USP53: variants seen among roughly 807,000 people sequenced by gnomAD.
USP53 encodes the protein ubiquitin specific peptidase 53.
In USP53, 71 loss-of-function variants were observed where a neutral mutation model predicts 94.9. The ratio of observed to expected loss-of-function variants is 0.75; its 90% CI spans 0.62 to 0.91. The LOEUF (loss-of-function observed/expected upper bound fraction) is 0.91, where lower values mean the gene tolerates loss of function less well. Among genes scored for constraint, USP53 ranks in the 40% least tolerant of loss-of-function variants. The pLI is 0.00. For missense variants in USP53, 1,173 were observed against 1,281.0 expected (o/e 0.92, Z 1.29); for synonymous variants, 375 against 422.7 (o/e 0.89, Z 1.39).
chr4:119,228,637 C>T (rs1473203762), intron 3 of USP53, among the ~76,000 whole-genome samples: 2 of 152,076 alleles, frequency 1.3e-5, no homozygotes, highest in African/African-American at 4.8e-5. Context: ...AGGAGAGCTT[C>T]TCAGGGTGAT....
intron 17 of USP53, 22 bp from the exon 18 acceptor site, chr4:119,291,143 T>TGGCC: frequency 1.3e-6 from 1 of 747,558 alleles, no homozygotes. Flanking sequence ...TCATCTCTTC[T>TGGCC]CCCCACCCCA....
chr4:119,289,488 CA>C (rs1754494165), intron 17 of USP53, among the ~76,000 whole-genome samples: 1 of 152,160 alleles, frequency 6.6e-6, no homozygotes, highest in South Asian at 2.1e-4. Context: ...GGTCCAAGGC[CA>C]CACTTCGAGA....
At chr4:119,260,758 C>A in intron 11 of USP53, 105 bp downstream of exon 11, 1 of 1,321,568 alleles carries the variant, frequency 7.6e-7, no homozygotes, top group Non-Finnish European at 1.0e-6. Flanking sequence ...ATCAGGCTAA[C>A]TGGAATGCCT....
intron 2 of USP53, among the ~76,000 whole-genome samples, chr4:119,216,364 G>A (rs1023939820): frequency 8.3e-5 from 12 of 144,192 alleles, no homozygotes; most frequent in Non-Finnish European, 1.7e-4. Context: ...CTGGGCGACC[G>A]AGTGAGACTC....
At chr4:119,243,042 A>G (rs1747755587) in intron 5 of USP53, among the ~76,000 whole-genome samples, 1 of 152,230 alleles carries the variant, frequency 6.6e-6, no homozygotes, top group Non-Finnish European at 1.5e-5. Context: ...TATAAGAAAT[A>G]TGTATAAATA....
chr4:119,246,599 A>G (rs1277236730), intron 6 of USP53, among the ~76,000 whole-genome samples: 2 of 152,240 alleles, frequency 1.3e-5, no homozygotes, highest in Non-Finnish European at 2.9e-5. Context: ...AGAGCAATAA[A>G]TAACTATAAC....
rs140456747 is a variant in USP53, at chr4:119,239,301, T to TAA, written c.-453_-452dup. ...GGAAAGAGAGAGAAAACTTTCTTGTTAAAAAAACATAAGGAAAACAAACAA... is the reference window on the plus strand; with the variant it reads ...GGAAAGAGAGAGAAAACTTTCTTGTTAAAAAAAAACATAAGGAAAACAAACAA... On this transcript the variant is annotated 5_prime_UTR_variant, in exon 5 of 19. The change abolishes the stop of an existing upstream ORF in the 5' untranslated region. Coordinates refer to ENST00000692078, the MANE Select transcript of USP53 (RefSeq NM_001371395.1). 1 of 154,392 alleles carries TAA rather than the reference T, an allele frequency of 6.5e-6. No individual in the cohort carries two copies. Among genetic ancestry groups the TAA allele is most frequent in the Non-Finnish European group, 1.4e-5 (1 of 69,608 alleles). The allele number at this position is 154,392 out of a possible 1,614,324, so 9.6% of individuals were successfully genotyped here.
At position 119,293,264 on chromosome 4, in the gene USP53, T is replaced by A. The variant is rs1452002614; in HGVS notation, c.*53T>A. ...ATAATAATCTTGGTTCAAGCTGCCC[T>A]TCTGAACAAAGATATAAACCTAGCA... On this transcript the variant is annotated 3_prime_UTR_variant, in exon 19 of 19. Coordinates refer to ENST00000692078, the MANE Select transcript of USP53 (RefSeq NM_001371395.1). 4.6e-6 allele frequency: 7 copies of A among 1,514,644 alleles called. No individual in the cohort carries two copies. Among genetic ancestry groups the A allele is most frequent in the Non-Finnish European group, 6.1e-6 (7 of 1,141,862 alleles). The allele number at this position is 1,514,644 out of a possible 1,614,324, so 93.8% of individuals were successfully genotyped here.
intron 7 of USP53, among the ~76,000 whole-genome samples, chr4:119,251,057 C>A (rs1748924558): frequency 6.8e-6 from 1 of 146,604 alleles, no homozygotes; most frequent in African/African-American, 2.5e-5. Context: ...CCTCCCCTAG[C>A]CCCCCACCCC....
intron 3 of USP53, among the ~76,000 whole-genome samples, chr4:119,230,049 C>T (rs1340567457): frequency 2.0e-5 from 3 of 152,180 alleles, no homozygotes; most frequent in African/African-American, 7.2e-5. Flanking sequence ...TGTAACCTCT[C>T]CAAGAAGCCT....
chr4:119,266,574 T>C (rs1364050969), intron 12 of USP53, among the ~76,000 whole-genome samples: 2 of 152,216 alleles, frequency 1.3e-5, no homozygotes, highest in South Asian at 2.1e-4. Context: ...TTCATGTGCT[T>C]GTTTGACCAT....
Position 119,294,677 on chromosome 4 carries a change from G to A in USP53, c.*1466G>A, listed in dbSNP as rs530464257. The A allele has an allele frequency of 6.6e-6, 1 of 152,012 alleles. No individual in the cohort carries two copies. The highest frequency in any genetic ancestry group is 1.5e-5 in the Non-Finnish European group (1 of 67,930). The allele number at this position is 152,012 out of a possible 1,614,324, so 9.4% of individuals were successfully genotyped here. A position where few individuals can be genotyped will look rare whatever the true frequency, so the allele number is the denominator to read the frequency against. On this transcript the variant is annotated 3_prime_UTR_variant, in exon 19 of 19. Coordinates refer to ENST00000692078, the MANE Select transcript of USP53 (RefSeq NM_001371395.1). Reference sequence around the variant, plus strand: ...TCGTGTTAAAACATTCTAAAATGTTGTAACTAATTTAATGTGAATACTGTT... The same window carrying A: ...TCGTGTTAAAACATTCTAAAATGTTATAACTAATTTAATGTGAATACTGTT...
At chr4:119,213,658 ATATG>A (rs1561164410) in intron 1 of USP53, among the ~76,000 whole-genome samples, 2 of 66,154 alleles carry the variant, frequency 3.0e-5, no homozygotes, top group African/African-American at 1.3e-4. Flanking sequence ...ATATATATAT[ATATG>A]TGTGTGTGTG....
At chr4:119,265,470 C>T (rs189876748) in intron 12 of USP53, among the ~76,000 whole-genome samples, 2 of 152,128 alleles carry the variant, frequency 1.3e-5, no homozygotes, top group East Asian at 3.9e-4. Context: ...ACATTGACTC[C>T]TCAAAGCCTG....
In USP53 at chr4:119,256,945, G is replaced by A. The variant is rs539232305; in HGVS notation, c.569+422G>A. ...GGGTAAGCGGAGAAGAAAGAAAAAT[G>A]TGAGCGTAATTCTCAGGTTATTGCA... On this transcript the variant is annotated intron_variant, in intron 9 of 18. Transcript: ENST00000692078. Among the ~76,000 whole-genome samples, 8 of 152,236 alleles carry A rather than the reference G, an allele frequency of 5.3e-5. No homozygotes were observed. In the East Asian group the frequency reaches 1.5e-3, roughly 29 times the overall value.
At chr4:119,280,721 A>G (rs953678223) in intron 17 of USP53, among the ~76,000 whole-genome samples, 11 of 152,282 alleles carry the variant, frequency 7.2e-5, no homozygotes, top group Non-Finnish European at 1.2e-4. Context: ...CAAGGTGTTA[A>G]CTCAAGTTTG....
At chr4:119,285,161 T>G (rs1258458255) in intron 17 of USP53, among the ~76,000 whole-genome samples, 1 of 151,714 alleles carries the variant, frequency 6.6e-6, no homozygotes, top group Non-Finnish European at 1.5e-5. Flanking sequence ...GGAAACAAGG[T>G]AAAGACAGAA....
At chr4:119,291,078 A>G (rs1354537767) in intron 17 of USP53, 87 bp from the exon 18 acceptor site, 2 of 649,058 alleles carry the variant, frequency 3.1e-6, no homozygotes, top group Non-Finnish European at 4.8e-6. Context: ...ATGTAAATAT[A>G]GAAAAGTATA....
chr4:119,289,693 G>GT (rs1161937531), intron 17 of USP53, among the ~76,000 whole-genome samples: 2 of 152,218 alleles, frequency 1.3e-5, no homozygotes, highest in African/African-American at 4.8e-5. Flanking sequence ...ATTGGTGGTT[G>GT]TGACTTTTCT....
Sources: gnomAD v4.1 joint callset for allele counts (sites outside exome capture counted in the v4.1 genomes callset) on GRCh38, gnomAD v4.1.1 for gene constraint, MANE v1.5 for transcripts, NCBI Gene and HGNC (gene_info 2026-07-23, HGNC 2026-07-21) for gene names.